Variants in CTNNA1 observed in about 807,000 individuals in gnomAD.
CTNNA1 encodes catenin alpha-1.
Under a neutral mutation model 98.4 loss-of-function variants are expected in CTNNA1, and 37 were observed. That is an observed-to-expected ratio of 0.38 (90% CI 0.29 to 0.49). The LOEUF (loss-of-function observed/expected upper bound fraction) is 0.49, where lower values mean the gene tolerates loss of function less well. Ranked by LOEUF, CTNNA1 falls within the 20% of genes least tolerant of loss-of-function variation. CTNNA1 has a pLI of 0.95. For synonymous variants in CTNNA1, 404 were observed against 413.2 expected, an observed-to-expected ratio of 0.98 and a Z score of 0.27; for missense variants, 761 against 1,147.2, an observed-to-expected ratio of 0.66 and a Z score of 4.86.
At chr5:138,872,940 G>T in intron 7 of CTNNA1, 1 of 1,089,724 alleles carries the variant, frequency 9.2e-7, no homozygotes, top group Non-Finnish European at 1.3e-6. Flanking sequence ...GTAAAAATTA[G>T]ATATGTATTT....
chr5:138,777,307 G>A (rs1287890709), intron 1 of CTNNA1, among the ~76,000 whole-genome samples: 1 of 148,188 alleles, frequency 6.7e-6, no homozygotes, highest in African/African-American at 2.5e-5. Context: ...GATGGCGGCC[G>A]GGAAGAGGCG....
chr5:138,789,961 G>C (rs1435500526), intron 3 of CTNNA1, among the ~76,000 whole-genome samples: 7 of 152,076 alleles, frequency 4.6e-5, no homozygotes, highest in Non-Finnish European at 1.0e-4. Flanking sequence ...TTTGTCTCTT[G>C]AATTTTCTTC....
chr5:138,933,740 A>C, intron 17 of CTNNA1, 62 bp from the exon 18 acceptor site: 1 of 1,558,906 alleles, frequency 6.4e-7, no homozygotes, highest in Non-Finnish European at 8.7e-7. Flanking sequence ...AGCACAGCCC[A>C]CCTGTGTCCA....
chr5:138,915,840 G>A (rs1472544201), intron 10 of CTNNA1, among the ~76,000 whole-genome samples: 5 of 152,276 alleles, frequency 3.3e-5, no homozygotes, highest in South Asian at 2.1e-4. Flanking sequence ...GAGGTGGTCA[G>A]GAGTTCAAGA....
intron 11 of CTNNA1, among the ~76,000 whole-genome samples, chr5:138,921,905 A>AC (rs953625396): frequency 1.3e-5 from 2 of 149,096 alleles, no homozygotes; most frequent in African/African-American, 4.9e-5. Context: ...ATCAAAAATC[A>AC]CCCGGCCGGT....
chr5:138,769,822 T>G (rs1215992536), intron 1 of CTNNA1, among the ~76,000 whole-genome samples: 1 of 149,540 alleles, frequency 6.7e-6, no homozygotes, highest in Non-Finnish European at 1.5e-5. Flanking sequence ...TGTGAGCTAC[T>G]GCACCCAGCC....
intron 7 of CTNNA1, chr5:138,870,370 C>G (rs1206202578): frequency 6.6e-6 from 1 of 152,186 alleles, no homozygotes; most frequent in African/African-American, 2.4e-5. Context: ...AAGGAAAATA[C>G]CTTTTTGGTA....
At chr5:138,892,232 A>G (rs1291547434) in intron 9 of CTNNA1, among the ~76,000 whole-genome samples, 2 of 151,420 alleles carry the variant, frequency 1.3e-5, no homozygotes, top group African/African-American at 4.9e-5. Flanking sequence ...ACTGAGACCT[A>G]TCTCAGATAT....
At chr5:138,795,151 C>CAA (rs35532090) in intron 3 of CTNNA1, among the ~76,000 whole-genome samples, 144 of 81,230 alleles carry the variant, frequency 1.8e-3, no homozygotes, top group Admixed American at 2.6e-3. Context: ...GTGAGACTCT[C>CAA]AAAAAAAAAA....
intron 7 of CTNNA1, chr5:138,871,794 G>A (rs1750659060): frequency 1.3e-5 from 2 of 152,204 alleles, no homozygotes; most frequent in Non-Finnish European, 2.9e-5. Context: ...TACACTTACA[G>A]CGTGAATGCG....
At chr5:138,859,860 A>G (rs1428228462) in intron 7 of CTNNA1, among the ~76,000 whole-genome samples, 1 of 152,162 alleles carries the variant, frequency 6.6e-6, no homozygotes, top group Non-Finnish European at 1.5e-5. Context: ...GAAAGCCAAA[A>G]CTGCAACTCT....
At chr5:138,813,582 T>C (rs1165470752) in intron 5 of CTNNA1, among the ~76,000 whole-genome samples, 2 of 152,176 alleles carry the variant, frequency 1.3e-5, no homozygotes, top group Admixed American at 6.5e-5. Context: ...CTATGACTGC[T>C]ATAGACTTTT....
intron 3 of CTNNA1, among the ~76,000 whole-genome samples, chr5:138,787,558 A>G (rs1197879550): frequency 6.6e-6 from 1 of 152,246 alleles, no homozygotes; most frequent in African/African-American, 2.4e-5. Flanking sequence ...TACAGGCTAT[A>G]GTTTGCTAAC....
chr5:138,760,688 C>T (rs554903373), intron 1 of CTNNA1, among the ~76,000 whole-genome samples: 3 of 152,228 alleles, frequency 2.0e-5, no homozygotes, highest in South Asian at 2.1e-4. Context: ...TGTTGATGGA[C>T]GTTTGGATTA....
chr5:138,915,645 T>G (rs1761576104), intron 10 of CTNNA1, among the ~76,000 whole-genome samples: 1 of 152,084 alleles, frequency 6.6e-6, no homozygotes, highest in Non-Finnish European at 1.5e-5. Flanking sequence ...AGTCAAAGAG[T>G]GGCAATAATT....
At position 138,929,375 on chromosome 5, in the gene CTNNA1, G is replaced by A. The variant is rs187274782; in HGVS notation, c.2010+19G>A. The A allele has an allele frequency of 3.1e-6, 4 of 1,287,158 alleles. No individual in the cohort carries two copies. The East Asian group carries it at 6.9e-5, about 22-fold the overall frequency. 79.7% of individuals were successfully genotyped at this position (1,287,158 alleles called of 1,614,324 possible). A position where few individuals can be genotyped will look rare whatever the true frequency, so the allele number is the denominator to read the frequency against. ...TGCCCGGGTAAGGAAGCGCTCCGTGGGGCAGTTCAGCTTGTGCTGCCGACT... is the reference window on the plus strand; with the variant it reads ...TGCCCGGGTAAGGAAGCGCTCCGTGAGGCAGTTCAGCTTGTGCTGCCGACT... On this transcript the variant is annotated intron_variant, in intron 14 of 17. Coordinates refer to ENST00000302763, the MANE Select transcript of CTNNA1 (RefSeq NM_001903.5).
At chr5:138,917,710 G>C in intron 10 of CTNNA1, 32 bp from the exon 11 acceptor site, 15 of 1,608,922 alleles carry the variant, frequency 9.3e-6, no homozygotes, top group Non-Finnish European at 1.3e-5. Flanking sequence ...CTCTGAAAAA[G>C]AGTAAACAGT....
At chr5:138,885,067 A>G (rs1380849165) in intron 7 of CTNNA1, among the ~76,000 whole-genome samples, 1 of 152,212 alleles carries the variant, frequency 6.6e-6, no homozygotes, top group Non-Finnish European at 1.5e-5. Context: ...CCTTTGCTAA[A>G]TAACCTATAT....
intron 3 of CTNNA1, 81 bp from the exon 4 acceptor site, chr5:138,809,957 G>C (rs1356926499): frequency 1.4e-6 from 2 of 1,459,394 alleles, no homozygotes; most frequent in Non-Finnish European, 1.8e-6. Flanking sequence ...ACAAAGTTTG[G>C]ATTATTTTTA....
Sources: gnomAD v4.1 joint callset for allele counts (sites outside exome capture counted in the v4.1 genomes callset) on GRCh38, gnomAD v4.1.1 for gene constraint, MANE v1.5 for transcripts, NCBI Gene and HGNC (gene_info 2026-07-23, HGNC 2026-07-21) for gene names.